Variants in PCDHGB1 observed in about 807,000 individuals in gnomAD.
PCDHGB1 encodes the protein protocadherin gamma-B1.
In PCDHGB1, 34 loss-of-function variants were observed where a neutral mutation model predicts 56.6. The observed-to-expected ratio is 0.60, with a 90% confidence interval of 0.46 to 0.80. The LOEUF (loss-of-function observed/expected upper bound fraction) is 0.80, where lower values mean the gene tolerates loss of function less well. Among genes scored for constraint, PCDHGB1 ranks in the 30% least tolerant of loss-of-function variants. The pLI, the probability that PCDHGB1 is intolerant of heterozygous loss-of-function variation, is 0.00. For synonymous variants in PCDHGB1, 561 were observed against 505.9 expected (o/e 1.11, Z -1.46); for missense variants, 1,278 against 1,204.6 (o/e 1.06, Z -0.90).
intron 1 of PCDHGB1, chr5:141,441,260 A>G (rs1217151195): frequency 1.3e-5 from 2 of 152,222 alleles, no homozygotes; most frequent in Non-Finnish European, 2.9e-5. Context: ...AAATCACAAG[A>G]TCTGGATTCG....
intron 1 of PCDHGB1, chr5:141,394,196 C>G (rs760903381): frequency 2.7e-5 from 44 of 1,613,792 alleles, no homozygotes; most frequent in African/African-American, 4.0e-5. Flanking sequence ...CAGCGTATAT[C>G]CTAGAGAACA....
chr5:141,434,209 A>G (rs946478332), intron 1 of PCDHGB1, among the ~76,000 whole-genome samples: 17 of 152,216 alleles, frequency 1.1e-4, no homozygotes, highest in African/African-American at 4.1e-4. Flanking sequence ...TACTTCTGTC[A>G]GTGTAAACAA....
rs778589637 is a variant in PCDHGB1 at position 141,487,133 on chromosome 5, C to T, written c.2410-7674C>T. On this transcript the variant is annotated intron_variant, in intron 1 of 3. Coordinates refer to ENST00000523390, the MANE Select transcript of PCDHGB1 (RefSeq NM_018922.3). The surrounding 1 kb of genome is among the most constrained non-coding windows in gnomAD (Gnocchi z 5.0). ...TGTGGTAAAGGATAGTGGTAGTCCA[C>T]CACTCTCTACCTCTGTTACTCTCTT... 8.7e-6 allele frequency: 14 copies of T among 1,613,932 alleles called. No homozygotes were observed. In the South Asian group the frequency reaches 1.5e-4, roughly 18 times the overall value.
chr5:141,467,284 C>T (rs2099140788), intron 1 of PCDHGB1, among the ~76,000 whole-genome samples: 1 of 152,080 alleles, frequency 6.6e-6, no homozygotes, highest in Non-Finnish European at 1.5e-5. Context: ...AACTCTTGAC[C>T]TCAAGTGATC....
At chr5:141,410,619 C>G in intron 1 of PCDHGB1, 1 of 1,603,732 alleles carries the variant, frequency 6.2e-7, no homozygotes, top group Admixed American at 1.7e-5. Context: ...ACTCTGACTT[C>G]GGTGAGTTTC....
chr5:141,451,523 A>G (rs1035983001), intron 1 of PCDHGB1, among the ~76,000 whole-genome samples: 1 of 152,200 alleles, frequency 6.6e-6, no homozygotes, highest in African/African-American at 2.4e-5. Flanking sequence ...AGAGCAAGTA[A>G]AGGAGAGTGC....
intron 1 of PCDHGB1, chr5:141,492,033 C>A: frequency 1.8e-6 from 1 of 548,342 alleles, no homozygotes; most frequent in Non-Finnish European, 3.1e-6. Flanking sequence ...CGGGAGGAGG[C>A]AGTCACAGAT....
intron 1 of PCDHGB1, chr5:141,372,545 C>T (rs778761799): frequency 6.2e-7 from 1 of 1,614,032 alleles, no homozygotes; most frequent in South Asian, 1.1e-5. Flanking sequence ...GCCTGCGATG[C>T]TCCTCCAGAC....
chr5:141,403,487 T>C, intron 1 of PCDHGB1: 1 of 1,613,930 alleles, frequency 6.2e-7, no homozygotes. Flanking sequence ...TCACCACTTC[T>C]CCCTGAACGT....
At chr5:141,400,802 A>C in intron 1 of PCDHGB1, 1 of 557,534 alleles carries the variant, frequency 1.8e-6, no homozygotes, top group Non-Finnish European at 3.1e-6. Context: ...TCTCAAAGCT[A>C]ATGAATTTTA....
rs1311776295 is a variant in PCDHGB1, at chr5:141,487,582, C to G, written c.2410-7225C>G. 1.2e-6 allele frequency: 2 copies of G among 1,614,088 alleles called. No homozygotes were observed. The highest frequency in any genetic ancestry group is 2.7e-5 in the African/African-American group (2 of 74,934). ...TGGCAGGGGAGCCTGTTCGCCCAAG[C>G]TGCCCACCCTCTGATCTTCTCTATG... is the stretch of plus-strand genomic sequence containing the variant. On this transcript the variant is annotated intron_variant, in intron 1 of 3. Transcript: ENST00000523390. The surrounding 1 kb of genome is among the most constrained non-coding windows in gnomAD (Gnocchi z 5.0).
chr5:141,472,980 C>CAAAAAAAAAAAAAAAAGAAAAAAAAA (rs2099308501), intron 1 of PCDHGB1, among the ~76,000 whole-genome samples: 1 of 86,106 alleles, frequency 1.2e-5, no homozygotes, highest in Non-Finnish European at 2.5e-5. Context: ...GAGTGAAACT[C>CAAAAAAAAAAAAAAAAGAAAAAAAAA]AAAAAAAAAA....
At chr5:141,374,236 T>C in intron 1 of PCDHGB1, 1 of 1,613,974 alleles carries the variant, frequency 6.2e-7, no homozygotes, top group Non-Finnish European at 8.5e-7. Flanking sequence ...TCGTCAAGGA[T>C]CTGGGACTGG....
chr5:141,433,064 A>T, intron 1 of PCDHGB1: 1 of 1,614,064 alleles, frequency 6.2e-7, no homozygotes, highest in Non-Finnish European at 8.5e-7. Context: ...GAGTCACCTG[A>T]TCTTCCCCCA....
At chr5:141,505,245 A>G (rs530515894) in intron 2 of PCDHGB1, 148 bp from the exon 3 acceptor site, 294 of 1,430,832 alleles carry the variant, frequency 2.1e-4, no homozygotes, top group Admixed American at 1.8e-3. Flanking sequence ...GAAGGATTGT[A>G]GAAGTGCCTC....
At position 141,490,707 on chromosome 5, in the gene PCDHGB1, C is replaced by T; in HGVS notation, c.2410-4100C>T. ...CAGACACTGGGGATAATGCCCGCCT[C>T]ACCTACTCCATTGTAGGAAATCAGG... On this transcript the variant is annotated intron_variant, in intron 1 of 3. Transcript: ENST00000523390. The surrounding 1 kb of genome is among the most constrained non-coding windows in gnomAD (Gnocchi z 5.4). The T allele has an allele frequency of 3.1e-6, 5 of 1,614,194 alleles. No individual in the cohort carries two copies. Among genetic ancestry groups the T allele is most frequent in the Non-Finnish European group, 3.4e-6 (4 of 1,180,008 alleles).
At chr5:141,393,494 C>T (rs750216965) in intron 1 of PCDHGB1, 16 of 1,613,946 alleles carry the variant, frequency 9.9e-6, no homozygotes, top group Non-Finnish European at 1.3e-5. Flanking sequence ...GCACAGTGCG[C>T]ATCCACGTGA....
chr5:141,493,338 A>G lies in PCDHGB1; in HGVS notation c.2410-1469A>G, dbSNP rs773870729. Among the ~76,000 whole-genome samples the G allele has an allele frequency of 6.6e-6, 1 of 152,162 alleles. No individual in the cohort carries two copies. The highest frequency in any genetic ancestry group is 1.5e-5 in the Non-Finnish European group (1 of 68,028). On this transcript the variant is annotated intron_variant, in intron 1 of 3. Transcript: ENST00000523390. This position sits in a 1 kb window ranked among gnomAD's most constrained non-coding sequence, Gnocchi z 4.3. ...GATTCTAACCCCTGTCTAACTCCAG[A>G]ATGTGTGCTTTTAATTTCTTGGCAC...
chr5:141,472,009 G>A (rs917861040), intron 1 of PCDHGB1, among the ~76,000 whole-genome samples: 11 of 152,074 alleles, frequency 7.2e-5, no homozygotes, highest in African/African-American at 2.7e-4. Flanking sequence ...TCGTATAGGG[G>A]CACTATATTG....
Sources: allele counts gnomAD v4.1 joint callset (sites outside exome capture counted in the v4.1 genomes callset), GRCh38; gene constraint gnomAD v4.1.1; non-coding constraint Gnocchi (gnomAD v3.1); transcripts MANE v1.5; gene names NCBI Gene and HGNC (gene_info 2026-07-23, HGNC 2026-07-21).